Variants in KCND2 observed in about 807,000 individuals in gnomAD.
KCND2 encodes the protein A-type voltage-gated potassium channel KCND2.
In KCND2, 16 loss-of-function variants were observed where a neutral mutation model predicts 54.4. The observed-to-expected ratio is 0.29, with a 90% CI of 0.20 to 0.45. KCND2 has a LOEUF of 0.45. Among genes scored for constraint, KCND2 ranks in the 20% least tolerant of loss-of-function variants. KCND2 has a pLI of 1.00. For synonymous variants in KCND2, 317 were observed against 310.7 expected (o/e 1.02, Z -0.21); for missense variants, 486 against 824.2 (o/e 0.59, Z 5.02).
chr7:120,319,191 C>T (rs1008023795), intron 1 of KCND2, among the ~76,000 whole-genome samples: 3 of 151,936 alleles, frequency 2.0e-5, no homozygotes, highest in African/African-American at 7.2e-5. Flanking sequence ...CCTGAATGAA[C>T]TCTAAGTTTG....
intron 1 of KCND2, among the ~76,000 whole-genome samples, chr7:120,488,737 C>A (rs1196717174): frequency 6.6e-6 from 1 of 151,662 alleles, no homozygotes; most frequent in Non-Finnish European, 1.5e-5. Context: ...CCTGAATTGT[C>A]TTTTTGGTTC....
At chr7:120,545,718 G>C (rs1226183989) in intron 1 of KCND2, among the ~76,000 whole-genome samples, 2 of 151,660 alleles carry the variant, frequency 1.3e-5, no homozygotes, top group Non-Finnish European at 3.0e-5. Flanking sequence ...TGTGATGTAG[G>C]GGCTAACAAG....
chr7:120,574,481 G>T (rs1792402640), intron 1 of KCND2, among the ~76,000 whole-genome samples: 1 of 152,124 alleles, frequency 6.6e-6, no homozygotes, highest in Non-Finnish European at 1.5e-5. Flanking sequence ...GGATTTAAAA[G>T]GAGAGAATCT....
chr7:120,669,744 G>T (rs996835830), intron 1 of KCND2, among the ~76,000 whole-genome samples: 2 of 152,132 alleles, frequency 1.3e-5, no homozygotes, highest in African/African-American at 4.8e-5. Context: ...AAGAGGCTGG[G>T]AGAAAACTTT....
At chr7:120,630,800 T>G (rs1210466276) in intron 1 of KCND2, among the ~76,000 whole-genome samples, 3 of 152,176 alleles carry the variant, frequency 2.0e-5, no homozygotes, top group Non-Finnish European at 4.4e-5. Flanking sequence ...AAGTTTTGCA[T>G]TTTCATTTGT....
chr7:120,384,080 C>G (rs1800953365), intron 1 of KCND2, among the ~76,000 whole-genome samples: 2 of 152,010 alleles, frequency 1.3e-5, no homozygotes, highest in African/African-American at 4.8e-5. Flanking sequence ...TACAACTACC[C>G]CATCCTCCCA....
At chr7:120,526,228 A>T (rs1791772451) in intron 1 of KCND2, among the ~76,000 whole-genome samples, 1 of 152,110 alleles carries the variant, frequency 6.6e-6, no homozygotes, top group African/African-American at 2.4e-5. Flanking sequence ...AATTCAACTG[A>T]TCTATTTTGA....
chr7:120,436,186 G>A (rs1487579058), intron 1 of KCND2, among the ~76,000 whole-genome samples: 1 of 151,972 alleles, frequency 6.6e-6, no homozygotes, highest in African/African-American at 2.4e-5. Context: ...AAAAATATTG[G>A]CCATCATTCT....
chr7:120,510,305 GA>G (rs1803093799), intron 1 of KCND2, among the ~76,000 whole-genome samples: 2 of 152,080 alleles, frequency 1.3e-5, no homozygotes, highest in Admixed American at 1.3e-4. Flanking sequence ...AAATTGTAGA[GA>G]AGAAGAAACT....
At chr7:120,350,021 A>G (rs1019773380) in intron 1 of KCND2, among the ~76,000 whole-genome samples, 1 of 151,986 alleles carries the variant, frequency 6.6e-6, no homozygotes, top group Admixed American at 6.6e-5. Flanking sequence ...TATTTATTGG[A>G]TAAGACTTTT....
rs139298849 is a variant in KCND2 at position 120,704,903 on chromosome 7, A to G, written c.1116-28000A>G. On this transcript the variant is annotated intron_variant, in intron 1 of 5. Transcript: ENST00000331113. ...TTGATAAATGATAGCAAGTATTACT[A>G]TCTTTCTAGTTTTAAAATGAATTAA... is the stretch of plus-strand genomic sequence containing the variant. 6.6e-4 allele frequency among the ~76,000 whole-genome samples: 101 copies of G among 152,342 alleles called. 1 individual carries two copies. Among genetic ancestry groups the G allele is most frequent in the African/African-American group, 2.1e-3 (88 of 41,576 alleles).
At chr7:120,741,971 T>A (rs1433315251) in intron 3 of KCND2, among the ~76,000 whole-genome samples, 1 of 152,104 alleles carries the variant, frequency 6.6e-6, no homozygotes, top group African/African-American at 2.4e-5. Flanking sequence ...TTCCTTAACG[T>A]TCATTTGGGT....
Position 120,274,854 on chromosome 7 carries a change from T to C in KCND2, c.222T>C (p.Phe74=), listed in dbSNP as rs1284052162. The change falls in exon 1 of 6, where the codon TTT becomes TTC. Residue 74 remains phenylalanine, a synonymous_variant. Coordinates refer to ENST00000331113, the MANE Select transcript of KCND2 (RefSeq NM_012281.3). The part of the protein sequence containing the change: ...DTLLGSSERD[F]FYHPETQQYF... ...TACTGGGCAGTTCTGAGAGGGACTTTTTCTACCACCCAGAAACTCAGCAGT... is the reference window on the plus strand; with the variant it reads ...TACTGGGCAGTTCTGAGAGGGACTTCTTCTACCACCCAGAAACTCAGCAGT... 6.2e-7 allele frequency: 1 copy of C among 1,614,070 alleles called. No homozygotes were observed. The highest frequency in any genetic ancestry group is 8.5e-7 in the Non-Finnish European group (1 of 1,180,012).
At chr7:120,709,150 C>T (rs1437115278) in intron 1 of KCND2, among the ~76,000 whole-genome samples, 1 of 152,062 alleles carries the variant, frequency 6.6e-6, no homozygotes, top group African/African-American at 2.4e-5. Flanking sequence ...GAAAATGTGC[C>T]ATTAAAGTTA....
chr7:120,606,462 A>G (rs894463521), intron 1 of KCND2, among the ~76,000 whole-genome samples: 2 of 152,096 alleles, frequency 1.3e-5, no homozygotes, highest in Non-Finnish European at 2.9e-5. Context: ...TTAATACGAT[A>G]TCACAGAGTT....
At chr7:120,583,527 A>T (rs1379688758) in intron 1 of KCND2, among the ~76,000 whole-genome samples, 3 of 152,128 alleles carry the variant, frequency 2.0e-5, no homozygotes, top group African/African-American at 7.2e-5. Flanking sequence ...AATTGAGATC[A>T]AGGTGTCAGC....
At chr7:120,477,897 T>A (rs1393426496) in intron 1 of KCND2, among the ~76,000 whole-genome samples, 1 of 152,202 alleles carries the variant, frequency 6.6e-6, no homozygotes, top group Admixed American at 6.5e-5. Flanking sequence ...AAGTCAAAAC[T>A]GGTAAGAGTT....
At chr7:120,422,133 A>G (rs1801635040) in intron 1 of KCND2, among the ~76,000 whole-genome samples, 1 of 152,170 alleles carries the variant, frequency 6.6e-6, no homozygotes, top group South Asian at 2.1e-4. Context: ...TGAAATGGTT[A>G]ATTTCTAATG....
At chr7:120,395,671 G>T (rs541015380) in intron 1 of KCND2, among the ~76,000 whole-genome samples, 1 of 152,094 alleles carries the variant, frequency 6.6e-6, no homozygotes, top group South Asian at 2.1e-4. Context: ...AGATTATTTT[G>T]AACTTTCTGG....
Sources: gnomAD v4.1 joint callset for allele counts (sites outside exome capture counted in the v4.1 genomes callset) on GRCh38, gnomAD v4.1.1 for gene constraint, MANE v1.5 for transcripts, NCBI Gene and HGNC (gene_info 2026-07-23, HGNC 2026-07-21) for gene names.